The following GTPBP1 variants were observed in gnomAD, a reference collection of about 807,000 sequenced individuals.
The protein encoded by GTPBP1 is GTP binding protein 1, also known as GTP-binding protein 1.
In GTPBP1, 23 loss-of-function variants were observed where a neutral mutation model predicts 62.0. That is an observed-to-expected ratio of 0.37 (90% CI 0.27 to 0.53). The LOEUF is 0.53. Among genes scored for constraint, GTPBP1 ranks in the 20% least tolerant of loss-of-function variants. GTPBP1 has a pLI of 0.89. For missense variants in GTPBP1, 640 were observed against 917.3 expected, an observed-to-expected ratio of 0.70 and a Z score of 3.90; for synonymous variants, 344 against 364.4, an observed-to-expected ratio of 0.94 and a Z score of 0.64.
At chr22:38,738,817 G>A, downstream of GTPBP1, 6 of 1,599,224 alleles carry the variant, frequency 3.8e-6, no homozygotes, top group Non-Finnish European at 5.1e-6. This position sits in a 1 kb window ranked among gnomAD's most constrained non-coding sequence, Gnocchi z 6.6. Flanking sequence ...GACCCCAGAT[G>A]GGACCAGCCC....
At chr22:38,734,261 A>G (rs923581081), downstream of GTPBP1, 1 of 464,518 alleles carries the variant, frequency 2.2e-6, no homozygotes, top group African/African-American at 2.0e-5. Context: ...GGGAAAGGTC[A>G]GGGCCTGTTT....
At chr22:38,736,850 CT>C, downstream of GTPBP1, 1 of 153,792 alleles carries the variant, frequency 6.5e-6, no homozygotes, top group Non-Finnish European at 1.4e-5. Context: ...CCTCTACCCT[CT>C]TTTTTTGTTT....
downstream of GTPBP1, chr22:38,736,618 T>G: frequency 2.7e-6 from 1 of 372,460 alleles, no homozygotes; most frequent in East Asian, 4.3e-5. Context: ...AATGAATTCA[T>G]CCACAATCGT....
chr22:38,713,612 C>G (rs2092652455), intron 2 of GTPBP1, among the ~76,000 whole-genome samples: 2 of 152,254 alleles, frequency 1.3e-5, no homozygotes, highest in South Asian at 4.2e-4. Flanking sequence ...AGGAACTGGT[C>G]AGGCAGTAAG....
rs765347391 is a variant in GTPBP1 at position 38,728,028 on chromosome 22, A to G, written c.1583A>G (p.Asp528Gly). The change falls in exon 10 of 12, where the codon GAC becomes GGC. Residue 528 changes from aspartate to glycine, a missense_variant. Physicochemically the swap from Asp to Gly is moderately conservative, Grantham distance 94 (BLOSUM62 -1). Around this residue, in one of 4 missense-constraint regions of GTPBP1, gnomAD observed 220 missense variants for 358.1 expected, o/e 0.61. Coordinates refer to ENST00000216044, the MANE Select transcript of GTPBP1 (RefSeq NM_004286.5). ...IRQTATILSM[D>G]KDCLRTGDKA... ...CAGACAGCCACCATTCTGAGCATGG[A>G]CAAGGACTGTCTGCGCACTGGGGAC... is the stretch of plus-strand genomic sequence containing the variant. 5.6e-6 allele frequency: 9 copies of G among 1,613,774 alleles called. No individual in the cohort carries two copies. The highest frequency in any genetic ancestry group is 7.6e-6 in the Non-Finnish European group (9 of 1,179,802).
chr22:38,738,122 G>T, downstream of GTPBP1: 2 of 1,529,944 alleles, frequency 1.3e-6, no homozygotes, highest in Non-Finnish European at 1.8e-6. This position sits in a 1 kb window ranked among gnomAD's most constrained non-coding sequence, Gnocchi z 6.6. Flanking sequence ...AGCACCTGCT[G>T]CCTGGATGGG....
chr22:38,718,930 A>G (rs949882832), intron 4 of GTPBP1, among the ~76,000 whole-genome samples: 11 of 152,224 alleles, frequency 7.2e-5, no homozygotes, highest in African/African-American at 2.7e-4. Flanking sequence ...CACCACTTAG[A>G]TTTAGCAATC....
At chr22:38,735,504 A>G (rs41274549), downstream of GTPBP1, 1,764 of 287,938 alleles carry the variant, frequency 6.1e-3, 13 homozygotes, top group Non-Finnish European at 9.8e-3. Flanking sequence ...AGGCCCTAGC[A>G]GGAACAGGGA....
At chr22:38,738,566 C>T (rs1222732031), downstream of GTPBP1, 2 of 1,604,938 alleles carry the variant, frequency 1.2e-6, no homozygotes, top group South Asian at 2.2e-5. This position sits in a 1 kb window ranked among gnomAD's most constrained non-coding sequence, Gnocchi z 6.6. Context: ...CCTCTGGCCC[C>T]ACCACAGGAC....
rs1055434900 is a variant in GTPBP1 at position 38,727,382 on chromosome 22, C to T, written c.1537+34C>T. On this transcript the variant is annotated intron_variant, in intron 9 of 11. Transcript: ENST00000216044. The surrounding 1 kb of genome is among the most constrained non-coding windows in gnomAD (Gnocchi z 6.5). ...CTAAGGCCCTGCCAGCCCAGGAGGC[C>T]GTCGTGTTAGCTCCCCTCAGAAGGT... The T allele has an allele frequency of 6.7e-6, 10 of 1,500,750 alleles. No homozygotes were observed. In the African/African-American group the frequency reaches 8.6e-5, roughly 13 times the overall value. The allele number at this position is 1,500,750 out of a possible 1,614,324, so 93.0% of individuals were successfully genotyped here.
chr22:38,739,089 AG>A, downstream of GTPBP1: 1 of 1,216,018 alleles, frequency 8.2e-7, no homozygotes, highest in Non-Finnish European at 1.2e-6. The surrounding 1 kb of genome is among the most constrained non-coding windows in gnomAD (Gnocchi z 6.7). Context: ...CAGATGCCCC[AG>A]GCCTAGCCTT....
chr22:38,734,191 A>ATAC (rs1016863411), downstream of GTPBP1: 33 of 383,444 alleles, frequency 8.6e-5, no homozygotes, highest in Admixed American at 1.1e-3. Context: ...CACGGTCAGT[A>ATAC]TGAGAGGCTC....
At chr22:38,722,995 C>A in intron 5 of GTPBP1, 1 of 834,318 alleles carries the variant, frequency 1.2e-6, no homozygotes, top group African/African-American at 1.7e-5. Flanking sequence ...AACAGCACAC[C>A]GTAGTCTCAG....
chr22:38,721,951 A>G, intron 5 of GTPBP1, 86 bp downstream of exon 5: 1 of 925,652 alleles, frequency 1.1e-6, no homozygotes, highest in Non-Finnish European at 1.5e-6. Context: ...CCACGGCTTT[A>G]GCCCAGAAAC....
intron 2 of GTPBP1, among the ~76,000 whole-genome samples, chr22:38,714,366 C>G (rs1241748365): frequency 6.6e-6 from 1 of 151,618 alleles, no homozygotes; most frequent in Admixed American, 6.6e-5. Context: ...GTAATCCCAG[C>G]TACCTGGGAG....
At position 38,716,632 on chromosome 22, in the gene GTPBP1, A is replaced by G. The variant is rs767205459; in HGVS notation, c.486-20A>G. ...CATTCACTAACTCTCACATAGATGT[A>G]TGGGTTCATCTACACGCAGGGTAGC... On this transcript the variant is annotated intron_variant, in intron 3 of 11. Transcript: ENST00000216044. The surrounding 1 kb of genome is among the most constrained non-coding windows in gnomAD (Gnocchi z 5.2). 2.1e-5 allele frequency: 33 copies of G among 1,562,254 alleles called. No homozygotes were observed. The highest frequency in any genetic ancestry group is 1.7e-4 in the South Asian group (15 of 88,522).
At position 38,727,609 on chromosome 22, in the gene GTPBP1, G is replaced by A. The variant is rs982111538; in HGVS notation, c.1537+261G>A. On this transcript the variant is annotated intron_variant, in intron 9 of 11. Coordinates refer to ENST00000216044, the MANE Select transcript of GTPBP1 (RefSeq NM_004286.5). The surrounding 1 kb of genome is among the most constrained non-coding windows in gnomAD (Gnocchi z 6.5). ...CCTTCAGCAAGGTCTGCTGAACGCT[G>A]CTATGTGCCCAGCGGTGTTGCTAAG... Among the ~76,000 whole-genome samples, 1 of 152,200 alleles carries A rather than the reference G, an allele frequency of 6.6e-6. No homozygotes were observed. Among genetic ancestry groups the A allele is most frequent in the African/African-American group, 2.4e-5 (1 of 41,452 alleles).
chr22:38,714,558 G>GTAGA (rs887749584), intron 2 of GTPBP1, among the ~76,000 whole-genome samples: 1 of 151,812 alleles, frequency 6.6e-6, no homozygotes, highest in African/African-American at 2.4e-5. Flanking sequence ...TTCCCATTGA[G>GTAGA]TAGATGGTGG....
chr22:38,740,941 G>A (rs2092851851), downstream of GTPBP1: 1 of 1,502,404 alleles, frequency 6.7e-7, no homozygotes, highest in East Asian at 2.4e-5. The surrounding 1 kb of genome is among the most constrained non-coding windows in gnomAD (Gnocchi z 4.8). Flanking sequence ...CTGCTCCCCA[G>A]TCCTGCCTGG....
Sources: allele counts gnomAD v4.1 joint callset (sites outside exome capture counted in the v4.1 genomes callset), GRCh38; gene constraint gnomAD v4.1.1; regional missense constraint gnomAD v4.1.1; non-coding constraint Gnocchi (gnomAD v3.1); transcripts MANE v1.5; gene names NCBI Gene and HGNC (gene_info 2026-07-23, HGNC 2026-07-21).